The following ITPR2 variants were observed in gnomAD, a reference collection of about 807,000 sequenced individuals.
The protein encoded by ITPR2 is inositol 1,4,5-trisphosphate-gated calcium channel ITPR2.
In ITPR2, 207 loss-of-function variants were observed where a neutral mutation model predicts 317.1. That is an observed-to-expected ratio of 0.65 (90% confidence interval 0.58 to 0.73). The LOEUF (loss-of-function observed/expected upper bound fraction) is 0.73, where lower values mean the gene tolerates loss of function less well. ITPR2 is among the 30% of genes least tolerant of loss of function. ITPR2 has a pLI of 0.00. For synonymous variants in ITPR2, 1,156 were observed against 1,149.1 expected (o/e 1.01, Z -0.12); for missense variants, 2,613 against 3,284.0 (o/e 0.80, Z 4.99).
chr12:26,556,381 G>A lies in ITPR2; in HGVS notation c.4822-6C>T, dbSNP rs2137016898. 2 of 1,608,408 alleles carry A rather than the reference G, an allele frequency of 1.2e-6. No individual in the cohort carries two copies. The highest frequency in any genetic ancestry group is 4.5e-5 in the East Asian group (2 of 44,774). ...TCCAAGGAGGCCACTACATCCTAGG[G>A]AATGAAACACAAGAGAACCCACATG... is the stretch of plus-strand genomic sequence containing the variant. On this transcript the variant is annotated splice_region_variant and splice_polypyrimidine_tract_variant and intron_variant, in intron 35 of 56. Coordinates refer to ENST00000381340, the MANE Select transcript of ITPR2 (RefSeq NM_002223.4).
intron 37 of ITPR2, among the ~76,000 whole-genome samples, chr12:26,532,179 T>C (rs1319396207): frequency 5.9e-5 from 9 of 152,234 alleles, no homozygotes; most frequent in Admixed American, 4.6e-4. Flanking sequence ...GGCTTGGCTA[T>C]ATCACGAGCT....
At chr12:26,803,334 C>T (rs1565778149) in intron 1 of ITPR2, among the ~76,000 whole-genome samples, 1 of 150,346 alleles carries the variant, frequency 6.7e-6, no homozygotes, top group Non-Finnish European at 1.5e-5. Flanking sequence ...CAATACCCAG[C>T]ACAGTGACTG....
At chr12:26,644,358 G>C (rs1174264170) in intron 21 of ITPR2, among the ~76,000 whole-genome samples, 1 of 152,180 alleles carries the variant, frequency 6.6e-6, no homozygotes, top group Admixed American at 6.5e-5. Context: ...CTGGTGAGCT[G>C]TGGGGCCCAG....
chr12:26,455,778 C>G (rs1180646457), intron 45 of ITPR2, among the ~76,000 whole-genome samples: 1 of 152,076 alleles, frequency 6.6e-6, no homozygotes, highest in African/African-American at 2.4e-5. Flanking sequence ...ATTTAAAGAT[C>G]AAGGTATTGA....
chr12:26,485,331 C>A (rs1362688504), intron 41 of ITPR2, among the ~76,000 whole-genome samples: 1 of 152,100 alleles, frequency 6.6e-6, no homozygotes, highest in African/African-American at 2.4e-5. Context: ...CTATACTGAT[C>A]CCACACTCCT....
At chr12:26,824,767 C>T (rs150500941) in intron 1 of ITPR2, among the ~76,000 whole-genome samples, 7 of 152,080 alleles carry the variant, frequency 4.6e-5, no homozygotes, top group African/African-American at 1.7e-4. Flanking sequence ...TCAACCACTG[C>T]TAATATGCTG....
At chr12:26,482,895 C>CT (rs1305942042) in intron 42 of ITPR2, among the ~76,000 whole-genome samples, 1 of 152,122 alleles carries the variant, frequency 6.6e-6, no homozygotes, top group Non-Finnish European at 1.5e-5. Flanking sequence ...CTCTCAATGA[C>CT]TTTTTTAATA....
chr12:26,595,809 C>T, intron 31 of ITPR2, among the ~76,000 whole-genome samples: 1 of 152,190 alleles, frequency 6.6e-6, no homozygotes, highest in Non-Finnish European at 1.5e-5. Flanking sequence ...CTGGGCCAAC[C>T]ATTGCTGTGA....
chr12:26,411,640 C>T (rs1394948267), intron 51 of ITPR2, among the ~76,000 whole-genome samples: 1 of 152,178 alleles, frequency 6.6e-6, no homozygotes, highest in Non-Finnish European at 1.5e-5. Context: ...GCCTTTTATA[C>T]CTTTTTTAAG....
At chr12:26,770,131 G>T (rs891351552) in intron 2 of ITPR2, among the ~76,000 whole-genome samples, 9 of 152,278 alleles carry the variant, frequency 5.9e-5, no homozygotes, top group South Asian at 2.1e-4. Flanking sequence ...TCCAAAAGTA[G>T]ATCTGTATCA....
chr12:26,631,852 G>C lies in ITPR2; in HGVS notation c.2934+14C>G. On this transcript the variant is annotated intron_variant, in intron 22 of 56. Transcript: ENST00000381340. ...ATTACATCTTTGTCACCTAGCTTCTGTTAGGCAACACACCTGCAAAATCTC... is the reference window on the plus strand; with the variant it reads ...ATTACATCTTTGTCACCTAGCTTCTCTTAGGCAACACACCTGCAAAATCTC... 1.9e-6 allele frequency: 3 copies of C among 1,610,820 alleles called. No homozygotes were observed. Among genetic ancestry groups the C allele is most frequent in the Non-Finnish European group, 2.5e-6 (3 of 1,178,098 alleles).
At chr12:26,598,019 T>G (rs1945894581) in intron 30 of ITPR2, among the ~76,000 whole-genome samples, 1 of 152,224 alleles carries the variant, frequency 6.6e-6, no homozygotes. Context: ...AACATAATAT[T>G]ACAAATACTT....
At chr12:26,520,050 G>A (rs1464616366) in intron 37 of ITPR2, among the ~76,000 whole-genome samples, 1 of 152,096 alleles carries the variant, frequency 6.6e-6, no homozygotes, top group Non-Finnish European at 1.5e-5. Flanking sequence ...CAATGAAGGT[G>A]GGAAAGAAAC....
At chr12:26,463,477 A>G (rs1316344853) in intron 45 of ITPR2, among the ~76,000 whole-genome samples, 2 of 151,804 alleles carry the variant, frequency 1.3e-5, no homozygotes, top group East Asian at 3.9e-4. Context: ...GACCAGCCTG[A>G]CAAACATGGA....
intron 28 of ITPR2, 97 bp from the exon 29 acceptor site, chr12:26,600,206 T>C: frequency 2.9e-6 from 3 of 1,023,620 alleles, no homozygotes; most frequent in Non-Finnish European, 4.3e-6. Flanking sequence ...TTTTTCTCTC[T>C]GCCCATCTTT....
chr12:26,825,133 T>G (rs535971607), intron 1 of ITPR2, among the ~76,000 whole-genome samples: 1 of 152,218 alleles, frequency 6.6e-6, no homozygotes, highest in African/African-American at 2.4e-5. Context: ...CTCCGAAAAT[T>G]GAGGCACAGG....
At chr12:26,640,445 T>C (rs1447096967) in intron 21 of ITPR2, among the ~76,000 whole-genome samples, 2 of 152,214 alleles carry the variant, frequency 1.3e-5, no homozygotes, top group Non-Finnish European at 2.9e-5. Context: ...CATATTTGTA[T>C]AAAGCATATA....
intron 55 of ITPR2, among the ~76,000 whole-genome samples, chr12:26,346,953 A>G (rs1244545810): frequency 6.6e-6 from 1 of 152,200 alleles, no homozygotes; most frequent in African/African-American, 2.4e-5. Context: ...GAGCTTGCCA[A>G]GTGAGCAAAC....
intron 45 of ITPR2, among the ~76,000 whole-genome samples, chr12:26,449,179 T>C (rs970945468): frequency 1.3e-5 from 2 of 152,192 alleles, no homozygotes; most frequent in South Asian, 2.1e-4. Flanking sequence ...TTGGTAAAAC[T>C]GTGACATAGC....
Sources: allele counts gnomAD v4.1 joint callset (sites outside exome capture counted in the v4.1 genomes callset), GRCh38; gene constraint gnomAD v4.1.1; transcripts MANE v1.5; gene names NCBI Gene and HGNC (gene_info 2026-07-23, HGNC 2026-07-21).